Variants in SNAP47 observed in about 807,000 individuals in gnomAD.
SNAP47 encodes synaptosomal-associated protein 47.
A neutral mutation model predicts 31.4 loss-of-function variants in SNAP47; 20 were observed. The observed-to-expected ratio is 0.64, with a 90% confidence interval of 0.45 to 0.93. The LOEUF (loss-of-function observed/expected upper bound fraction) is 0.93. Among genes scored for constraint, SNAP47 ranks in the 40% least tolerant of loss-of-function variants. The pLI is 0.00. For synonymous variants in SNAP47, 194 were observed against 213.4 expected (o/e 0.91, Z 0.79); for missense variants, 492 against 528.5 (o/e 0.93, Z 0.68).
chr1:227,774,623 T>C (rs1313489656), intron 4 of SNAP47, among the ~76,000 whole-genome samples: 2 of 152,016 alleles, frequency 1.3e-5, no homozygotes, highest in Non-Finnish European at 2.9e-5. Context: ...GCCTGGCAAG[T>C]TGGGAGCAGA....
At chr1:227,769,930 G>A (rs958188334) in intron 4 of SNAP47, among the ~76,000 whole-genome samples, 10 of 152,186 alleles carry the variant, frequency 6.6e-5, no homozygotes, top group African/African-American at 1.4e-4. Flanking sequence ...CTGTGTCCAC[G>A]TCCCTCTGTC....
chr1:227,777,389 G>A (rs1232720470), intron 4 of SNAP47, among the ~76,000 whole-genome samples: 2 of 152,156 alleles, frequency 1.3e-5, no homozygotes, highest in East Asian at 3.9e-4. Flanking sequence ...GGAAGATAGT[G>A]AACGGGAGTG....
At chr1:227,737,253 G>C (rs1661279174) in intron 1 of SNAP47, among the ~76,000 whole-genome samples, 1 of 152,254 alleles carries the variant, frequency 6.6e-6, no homozygotes, top group African/African-American at 2.4e-5. Flanking sequence ...AAGCCTGGCA[G>C]GCTGTGTGCA....
At position 227,780,789 on chromosome 1, in the gene SNAP47, ATGGGGCTGCTACTG is replaced by A; in HGVS notation, c.*127_*140del. The A allele has an allele frequency of 2.8e-6, 4 of 1,424,794 alleles. No individual in the cohort carries two copies. Among genetic ancestry groups the A allele is most frequent in the Middle Eastern group, 2.2e-4 (1 of 4,614 alleles). 88.3% of individuals were successfully genotyped at this position (1,424,794 alleles called of 1,614,324 possible). ...GCCCTCCGGAGTGGTCTTCCTCTGG[ATGGGGCTGCTACTG>A]TGGGGCTGCTTCTGCACCAGGGGCC... is the stretch of plus-strand genomic sequence containing the variant. On this transcript the variant is annotated 3_prime_UTR_variant, in exon 5 of 5. Transcript: ENST00000617596.
intron 1 of SNAP47, among the ~76,000 whole-genome samples, chr1:227,742,566 C>T (rs544253635): frequency 6.6e-6 from 1 of 152,310 alleles, no homozygotes; most frequent in East Asian, 1.9e-4. Context: ...AATTTCCCTC[C>T]ACACTCCTGA....
At chr1:227,775,929 G>T (rs1664133163) in intron 4 of SNAP47, 2 of 1,298,472 alleles carry the variant, frequency 1.5e-6, no homozygotes, top group South Asian at 2.5e-5. Context: ...TTTGCTCAGG[G>T]CATGAGGGAG....
intron 3 of SNAP47, among the ~76,000 whole-genome samples, chr1:227,766,286 A>G (rs1222724090): frequency 1.3e-5 from 2 of 152,170 alleles, no homozygotes; most frequent in African/African-American, 4.8e-5. Flanking sequence ...CAGAAGAGCA[A>G]ACAACATTGC....
At chr1:227,735,359 A>C, upstream of SNAP47, 1 of 1,593,220 alleles carries the variant, frequency 6.3e-7, no homozygotes, top group Non-Finnish European at 8.5e-7. Flanking sequence ...CAGAAGACGC[A>C]GGGCGCCGCG....
chr1:227,740,844 C>A (rs1231163378), intron 1 of SNAP47, among the ~76,000 whole-genome samples: 4 of 151,878 alleles, frequency 2.6e-5, no homozygotes, highest in Non-Finnish European at 5.9e-5. Context: ...CTGGGGTGCC[C>A]ATTAGGGGTG....
intron 4 of SNAP47, 135 bp from the exon 5 acceptor site, chr1:227,780,392 C>T: frequency 7.7e-7 from 1 of 1,304,882 alleles, no homozygotes; most frequent in South Asian, 1.4e-5. Flanking sequence ...CTGCCGGCTC[C>T]CTCCTGCTGG....
chr1:227,767,564 GTT>G (rs949296534), intron 4 of SNAP47, among the ~76,000 whole-genome samples: 4 of 151,998 alleles, frequency 2.6e-5, no homozygotes, highest in African/African-American at 9.7e-5. Flanking sequence ...TGTTGTGTGT[GTT>G]GTGTGTGTAT....
intron 1 of SNAP47, among the ~76,000 whole-genome samples, chr1:227,729,436 G>C (rs1300802389): frequency 6.6e-6 from 1 of 152,158 alleles, no homozygotes; most frequent in Non-Finnish European, 1.5e-5. Context: ...AGTTCTGTGG[G>C]ACGCTGGCAC....
upstream of SNAP47, chr1:227,732,767 G>C: frequency 6.3e-7 from 1 of 1,590,522 alleles, no homozygotes; most frequent in South Asian, 1.1e-5. Flanking sequence ...CAAGGACGAA[G>C]AAGGGACCAT....
Position 227,763,079 on chromosome 1 carries a change from C to G in SNAP47, c.988+3594C>G, listed in dbSNP as rs891121841. On this transcript the variant is annotated intron_variant, in intron 3 of 4. Coordinates refer to ENST00000617596, the MANE Select transcript of SNAP47 (RefSeq NM_053052.4). This position sits in a 1 kb window ranked among gnomAD's most constrained non-coding sequence, Gnocchi z 4.2. ...CCAAGACATCCTCCTGCCTTGGCCT[C>G]TCAAGTAGCTGGGACTATAGGCACA... is the stretch of plus-strand genomic sequence containing the variant. Among the ~76,000 whole-genome samples, 3 of 152,084 alleles carry G rather than the reference C, an allele frequency of 2.0e-5. No homozygotes were observed. Among genetic ancestry groups the G allele is most frequent in the Non-Finnish European group, 1.5e-5 (1 of 68,026 alleles).
At chr1:227,732,140 A>G (rs932723657), upstream of SNAP47, 3 of 571,882 alleles carry the variant, frequency 5.2e-6, no homozygotes, top group Non-Finnish European at 6.2e-6. Context: ...CAAAAGAGCC[A>G]GGTCCTGGCA....
intron 4 of SNAP47, chr1:227,768,418 G>T (rs1663576388): frequency 1.4e-6 from 1 of 736,284 alleles, no homozygotes; most frequent in Admixed American, 6.3e-5. Flanking sequence ...AGTGTTTTGT[G>T]GATGGCTCTG....
At chr1:227,748,713 G>A (rs1350400474) in intron 2 of SNAP47, among the ~76,000 whole-genome samples, 2 of 152,112 alleles carry the variant, frequency 1.3e-5, no homozygotes, top group East Asian at 3.9e-4. Flanking sequence ...ATGTGGTAAT[G>A]GGGATGGGCC....
chr1:227,748,993 A>G (rs1292700896), intron 2 of SNAP47, among the ~76,000 whole-genome samples: 1 of 151,986 alleles, frequency 6.6e-6, no homozygotes, highest in Non-Finnish European at 1.5e-5. Flanking sequence ...TAGTGTTGCT[A>G]TTCTAGTGTG....
intron 4 of SNAP47, chr1:227,775,803 G>A: frequency 2.3e-6 from 3 of 1,304,174 alleles, no homozygotes; most frequent in Non-Finnish European, 3.0e-6. Context: ...TCCGGCCTAT[G>A]TCGCTGTCAA....
Sources: allele counts gnomAD v4.1 joint callset (sites outside exome capture counted in the v4.1 genomes callset), GRCh38; gene constraint gnomAD v4.1.1; non-coding constraint Gnocchi (gnomAD v3.1); transcripts MANE v1.5; gene names NCBI Gene and HGNC (gene_info 2026-07-23, HGNC 2026-07-21).